The following DLGAP2 variants were observed in gnomAD, a reference collection of about 807,000 sequenced individuals.
DLGAP2 encodes DLG associated protein 2, also known as disks large-associated protein 2.
A neutral mutation model predicts 100.3 loss-of-function variants in DLGAP2; 26 were observed. That is an observed-to-expected ratio of 0.26 (90% CI 0.19 to 0.36). The LOEUF (loss-of-function observed/expected upper bound fraction) is 0.36, where lower values mean the gene tolerates loss of function less well. Ranked by LOEUF, DLGAP2 falls within the 10% of genes least tolerant of loss-of-function variation. The pLI is 1.00. For missense variants in DLGAP2, 1,858 were observed against 1,453.2 expected, an observed-to-expected ratio of 1.28 and a Z score of -4.53; for synonymous variants, 886 against 630.1, an observed-to-expected ratio of 1.41 and a Z score of -6.08.
intron 3 of DLGAP2, among the ~76,000 whole-genome samples, chr8:1,430,011 T>TATATATGTATATATATATATATATAC (rs1554467367): frequency 4.7e-5 from 3 of 63,960 alleles, no homozygotes; most frequent in African/African-American, 1.7e-4. Context: ...TATATACATA[T>TATATATGTATATATATATATATATAC]ATATATATAT....
intron 2 of DLGAP2, among the ~76,000 whole-genome samples, chr8:1,178,954 G>A (rs376637684): frequency 9.2e-5 from 14 of 151,778 alleles, no homozygotes; most frequent in East Asian, 1.9e-4. Flanking sequence ...GGCCCACGCC[G>A]CCCTGGTCTC....
intron 3 of DLGAP2, among the ~76,000 whole-genome samples, chr8:1,351,337 A>AAT (rs1451123621): frequency 2.7e-4 from 5 of 18,276 alleles, no homozygotes; most frequent in African/African-American, 5.2e-4. Flanking sequence ...GCGGGTCCTG[A>AAT]GTGTGGAACG....
intron 2 of DLGAP2, among the ~76,000 whole-genome samples, chr8:989,139 G>C (rs757175403): frequency 6.6e-6 from 1 of 152,104 alleles, no homozygotes; most frequent in Non-Finnish European, 1.5e-5. Flanking sequence ...AGCCCTGCGC[G>C]GCACCACCTT....
In DLGAP2 at chr8:1,304,182, G is replaced by A. The variant is rs141793279; in HGVS notation, c.106+45299G>A. ...CATGGGAGCAGGCCAGCGTGTCCTT[G>A]AAAGGAACTGAGAGCTGACAGCTTT... On this transcript the variant is annotated intron_variant, in intron 3 of 14. Transcript: ENST00000637795. Among the ~76,000 whole-genome samples the A allele has an allele frequency of 1.6e-3, 248 of 152,348 alleles. 1 individual carries two copies. Among genetic ancestry groups the A allele is most frequent in the African/African-American group, 5.4e-3 (226 of 41,580 alleles).
At chr8:1,438,037 G>A (rs371526220) in intron 3 of DLGAP2, among the ~76,000 whole-genome samples, 1 of 152,042 alleles carries the variant, frequency 6.6e-6, no homozygotes, top group Non-Finnish European at 1.5e-5. Context: ...AGAGGCCTAA[G>A]TTAAAATTTG....
intron 1 of DLGAP2, among the ~76,000 whole-genome samples, chr8:835,253 AAT>A (rs759101374): frequency 1.3e-5 from 2 of 152,114 alleles, no homozygotes; most frequent in Non-Finnish European, 2.9e-5. Context: ...TTTACTTTTA[AAT>A]ATATGTTTCT....
intron 3 of DLGAP2, among the ~76,000 whole-genome samples, chr8:1,500,145 G>A (rs999910023): frequency 1.3e-5 from 2 of 152,248 alleles, no homozygotes; most frequent in Admixed American, 1.3e-4. Context: ...GTACGCACAT[G>A]TGTCATCATT....
At chr8:1,458,037 T>C (rs1437256789) in intron 3 of DLGAP2, among the ~76,000 whole-genome samples, 5 of 143,978 alleles carry the variant, frequency 3.5e-5, no homozygotes, top group African/African-American at 1.3e-4. Flanking sequence ...TGTGTATATA[T>C]AATTATATAT....
intron 5 of DLGAP2, among the ~76,000 whole-genome samples, chr8:1,564,173 T>G (rs1313302964): frequency 6.6e-6 from 1 of 152,086 alleles, no homozygotes; most frequent in African/African-American, 2.4e-5. Context: ...ACCTATGGAG[T>G]GAACTTTACC....
intron 4 of DLGAP2, among the ~76,000 whole-genome samples, chr8:1,541,280 C>G (rs1801353445): frequency 6.6e-6 from 1 of 152,148 alleles, no homozygotes; most frequent in Non-Finnish European, 1.5e-5. Context: ...ATTGAGACCT[C>G]TGTTGGTAGT....
chr8:1,507,781 GACCCTCCTTCACCCACC>G (rs1249661583), intron 4 of DLGAP2, among the ~76,000 whole-genome samples: 7 of 150,322 alleles, frequency 4.7e-5, no homozygotes, highest in Admixed American at 2.0e-4. Flanking sequence ...CTTCACCCAC[GACCCTCCTTCACCCACC>G]ACCCTCCCTC....
intron 2 of DLGAP2, among the ~76,000 whole-genome samples, chr8:935,129 G>T (rs1184139237): frequency 6.6e-6 from 1 of 152,216 alleles, no homozygotes; most frequent in Non-Finnish European, 1.5e-5. Context: ...TGCCATTCCC[G>T]CAGGGGACGC....
chr8:749,267 A>G (rs1820730390), intron 1 of DLGAP2, among the ~76,000 whole-genome samples: 1 of 152,238 alleles, frequency 6.6e-6, no homozygotes, highest in South Asian at 2.1e-4. Context: ...CTGTGATTAC[A>G]GGCATCAGCC....
intron 2 of DLGAP2, among the ~76,000 whole-genome samples, chr8:1,082,846 AC>A (rs749468046): frequency 2.3e-4 from 35 of 152,156 alleles, no homozygotes; most frequent in Non-Finnish European, 4.6e-4. Context: ...TATTTCCGAA[AC>A]CATTTAAAAT....
chr8:980,213 G>A (rs1298214007), intron 2 of DLGAP2, among the ~76,000 whole-genome samples: 1 of 152,186 alleles, frequency 6.6e-6, no homozygotes, highest in Non-Finnish European at 1.5e-5. Context: ...AAAATCATCT[G>A]CGTGGACATT....
At chr8:1,550,389 G>A (rs1335610880) in intron 5 of DLGAP2, among the ~76,000 whole-genome samples, 2 of 152,094 alleles carry the variant, frequency 1.3e-5, no homozygotes, top group East Asian at 1.9e-4. Context: ...TGAAGATCCC[G>A]ACTCCTCCTT....
chr8:1,243,157 G>A (rs1798834552), intron 2 of DLGAP2, among the ~76,000 whole-genome samples: 2 of 152,152 alleles, frequency 1.3e-5, no homozygotes, highest in Admixed American at 6.5e-5. Flanking sequence ...GAAAGGCAGG[G>A]CGTGCTCATG....
intron 3 of DLGAP2, among the ~76,000 whole-genome samples, chr8:1,330,218 T>C (rs1404965856): frequency 1.3e-5 from 2 of 149,942 alleles, no homozygotes; most frequent in East Asian, 4.0e-4. Context: ...AGAGCACTAC[T>C]TCACAGGGAC....
At chr8:1,171,433 A>T (rs1439993390) in intron 2 of DLGAP2, among the ~76,000 whole-genome samples, 3 of 152,058 alleles carry the variant, frequency 2.0e-5, no homozygotes, top group African/African-American at 7.3e-5. Context: ...GTTCCTGGGT[A>T]TCCTTGTTGA....
Sources: allele counts gnomAD v4.1 joint callset (sites outside exome capture counted in the v4.1 genomes callset), GRCh38; gene constraint gnomAD v4.1.1; transcripts MANE v1.5; gene names NCBI Gene and HGNC (gene_info 2026-07-23, HGNC 2026-07-21).